DNAH1: variants seen among roughly 807,000 people sequenced by gnomAD.
The protein encoded by DNAH1 is dynein axonemal heavy chain 1.
In DNAH1, 327 loss-of-function variants were observed where a neutral mutation model predicts 484.3. The ratio of observed to expected loss-of-function variants is 0.68; its 90% CI spans 0.62 to 0.74. The LOEUF is 0.74. DNAH1 is among the 30% of genes least tolerant of loss of function. DNAH1 has a pLI of 0.00. For synonymous variants in DNAH1, 2,192 were observed against 2,191.9 expected, an observed-to-expected ratio of 1.00 and a Z score of 0.00; for missense variants, 5,052 against 5,546.8, an observed-to-expected ratio of 0.91 and a Z score of 2.83.
Position 52,373,796 on chromosome 3 carries a change from T to C in DNAH1, c.6985+743T>C, listed in dbSNP as rs899264610. ...CTGCTTTAAGTGAAATGGTAGAATATATCACCCATAATTGGAATGTGATCA... is the reference window on the plus strand; with the variant it reads ...CTGCTTTAAGTGAAATGGTAGAATACATCACCCATAATTGGAATGTGATCA... On this transcript the variant is annotated intron_variant, in intron 44 of 77. Transcript: ENST00000420323. 13 of 1,419,446 alleles carry C rather than the reference T, an allele frequency of 9.2e-6. No homozygotes were observed. The African/African-American group carries it at 1.5e-4, about 17-fold the overall frequency. The allele number at this position is 1,419,446 out of a possible 1,614,324, so 87.9% of individuals were successfully genotyped here.
intron 1 of DNAH1, among the ~76,000 whole-genome samples, chr3:52,317,346 A>T (rs954355468): frequency 3.3e-5 from 5 of 152,134 alleles, no homozygotes; most frequent in Non-Finnish European, 1.5e-5. Flanking sequence ...TGTCGGGCGC[A>T]TCCGCTGCCC....
intron 73 of DNAH1, among the ~76,000 whole-genome samples, chr3:52,397,319 A>G (rs1007708983): frequency 3.3e-5 from 5 of 152,216 alleles, no homozygotes; most frequent in African/African-American, 1.2e-4. Context: ...CAAGGCAGTA[A>G]CCAGGCCCAG....
At chr3:52,396,179 T>C (rs911077708) in intron 70 of DNAH1, among the ~76,000 whole-genome samples, 189 bp from the exon 71 acceptor site, 3 of 152,146 alleles carry the variant, frequency 2.0e-5, no homozygotes, top group Non-Finnish European at 4.4e-5. Flanking sequence ...GTGATTCGCC[T>C]GCCTTGGCCT....
rs767198288 is a variant in DNAH1, at chr3:52,326,819, C to T, written c.666C>T (p.His222=). The change falls in exon 5 of 78, where the codon CAC becomes CAT. Residue 222 remains histidine (H), a synonymous_variant. Coordinates refer to ENST00000420323, the MANE Select transcript of DNAH1 (RefSeq NM_015512.5). ...GIDSNKLMPR[H]LDHQHPQTIE... Reference sequence around the variant, plus strand: ...ACTCCAACAAGCTCATGCCCAGGCACCTGGACCACCAGCACCCCCAAACCA... The same window carrying T: ...ACTCCAACAAGCTCATGCCCAGGCATCTGGACCACCAGCACCCCCAAACCA... The T allele has an allele frequency of 1.9e-6, 3 of 1,613,718 alleles. No homozygotes were observed. In the South Asian group the frequency reaches 3.3e-5, roughly 18 times the overall value.
Position 52,393,414 on chromosome 3 carries a change from G to C in DNAH1, c.10555G>C (p.Glu3519Gln). Residue 3519 changes from glutamate (E) to glutamine (Q), a missense_variant, in exon 66 of 78, where the codon GAG (glutamate) becomes CAG (glutamine). Physicochemically the swap from Glu to Gln is conservative, Grantham distance 29. Around this residue, in one of 4 missense-constraint regions of DNAH1, gnomAD observed 2,929 missense variants for 3,409.4 expected, o/e 0.86. Coordinates refer to ENST00000420323, the MANE Select transcript of DNAH1 (RefSeq NM_015512.5). ...CAGCAACGTCTGCCGCAGCCTCTTT[G>C]AGAAGCACAAGCTGATGTTTGCCTT... ...LYSNVCRSLF[E>Q]KHKLMFAFLL... is the part of the protein sequence containing the mutation. 1.2e-6 allele frequency: 2 copies of C among 1,614,032 alleles called. No individual in the cohort carries two copies. Among genetic ancestry groups the C allele is most frequent in the Non-Finnish European group, 1.7e-6 (2 of 1,179,902 alleles).
chr3:52,398,841 G>A lies in DNAH1; in HGVS notation c.12090-9G>A, dbSNP rs770607307. 2.0e-6 allele frequency: 3 copies of A among 1,523,076 alleles called. No homozygotes were observed. The highest frequency in any genetic ancestry group is 1.8e-6 in the Non-Finnish European group (2 of 1,132,250). The allele number at this position is 1,523,076 out of a possible 1,614,324, so 94.3% of individuals were successfully genotyped here. A position where few individuals can be genotyped will look rare whatever the true frequency, so the allele number is the denominator to read the frequency against. On this transcript the variant is annotated splice_polypyrimidine_tract_variant and intron_variant, in intron 75 of 77. Coordinates refer to ENST00000420323, the MANE Select transcript of DNAH1 (RefSeq NM_015512.5). Reference sequence around the variant, plus strand: ...CCCACTACCTATTCTCTTGCCACTGGCCTCACAGGTACAATCGGCTGCTGC... The same window carrying A: ...CCCACTACCTATTCTCTTGCCACTGACCTCACAGGTACAATCGGCTGCTGC...
At chr3:52,329,402 G>A (rs1402273897) in intron 6 of DNAH1, among the ~76,000 whole-genome samples, 5 of 152,208 alleles carry the variant, frequency 3.3e-5, no homozygotes, top group African/African-American at 1.2e-4. Context: ...AAACAGAGAA[G>A]CAAAATAGGT....
In DNAH1 at chr3:52,326,870, C is replaced by T. The variant is rs1234765193; in HGVS notation, c.717C>T (p.Phe239=). Residue 239 remains phenylalanine, a synonymous_variant, in exon 5 of 78, where the codon TTC becomes TTT. Coordinates refer to ENST00000420323, the MANE Select transcript of DNAH1 (RefSeq NM_015512.5). ...QTIEQGHDPI[F]PIYLPLKVFD... The stretch of plus-strand genomic sequence containing the variant: ...TCGAACAGGGCCATGACCCAATCTT[C>T]CCCATCTACCTCCCACTGAAGGTGA... 6.2e-7 allele frequency: 1 copy of T among 1,613,034 alleles called. No homozygotes were observed. Among genetic ancestry groups the T allele is most frequent in the Non-Finnish European group, 8.5e-7 (1 of 1,179,470 alleles).
chr3:52,349,209 A>C lies in DNAH1; in HGVS notation c.2315A>C (p.Gln772Pro). ...IASFLKTYQT[Q>P]GLLAQEVREV... ...GCTGTCCTCAGAACCTACCAGACGC[A>C]GGGCCTGTTGGCCCAGGAGGTGCGG... is the stretch of plus-strand genomic sequence containing the variant. Residue 772 changes from glutamine (Q) to proline (P), a missense_variant, in exon 14 of 78, where the codon CAG (glutamine) becomes CCG (proline). Transcript: ENST00000420323. 6.2e-7 allele frequency: 1 copy of C among 1,613,594 alleles called. No individual in the cohort carries two copies. The highest frequency in any genetic ancestry group is 8.5e-7 in the Non-Finnish European group (1 of 1,179,696).
chr3:52,326,366 C>T (rs2153223030), intron 4 of DNAH1, 52 bp downstream of exon 4: 2 of 1,561,706 alleles, frequency 1.3e-6, no homozygotes, highest in Admixed American at 1.8e-5. Context: ...CATCCACCCG[C>T]CTCAGGGGAT....
chr3:52,320,204 A>C (rs1271283106), intron 1 of DNAH1, among the ~76,000 whole-genome samples: 2 of 152,222 alleles, frequency 1.3e-5, no homozygotes, highest in Non-Finnish European at 2.9e-5. Flanking sequence ...GGTTTGCAGC[A>C]TGATGAAGCT....
Position 52,369,812 on chromosome 3 carries a change from G to A in DNAH1, c.5944-13G>A, listed in dbSNP as rs372161744. On this transcript the variant is annotated splice_polypyrimidine_tract_variant and intron_variant, in intron 37 of 77. Coordinates refer to ENST00000420323, the MANE Select transcript of DNAH1 (RefSeq NM_015512.5). ...GGCAGCCAGCCCACTCATTTGGTTC[G>A]TCTTGGCACCAGGCAATGACCATGA... The A allele has an allele frequency of 7.0e-5, 111 of 1,596,642 alleles. No homozygotes were observed. In the Middle Eastern group the frequency reaches 1.2e-3, roughly 17 times the overall value.
At position 52,322,662 on chromosome 3, in the gene DNAH1, T is replaced by C. The variant is rs1466382392; in HGVS notation, c.220T>C (p.Leu74=). The C allele has an allele frequency of 6.2e-7, 1 of 1,613,872 alleles. No homozygotes were observed. Residue 74 remains leucine, a synonymous_variant, in exon 2 of 78, where the codon TTG becomes CTG. Transcript: ENST00000420323. ...LPPAPPTLSD[L]GQPRKSPLTG... ...CCCGGCCCCACCCACACTCTCAGAC[T>C]TGGGGCAGCCACGGAAGTCACCCCT... is the stretch of plus-strand genomic sequence containing the variant.
At chr3:52,371,760 C>T (rs1298120431) in intron 41 of DNAH1, among the ~76,000 whole-genome samples, 186 bp from the exon 42 acceptor site, 1 of 152,228 alleles carries the variant, frequency 6.6e-6, no homozygotes, top group Admixed American at 6.5e-5. Context: ...CTGGGAGTCC[C>T]CCTCCCCATG....
intron 6 of DNAH1, among the ~76,000 whole-genome samples, chr3:52,329,467 G>A (rs1238713309): frequency 6.6e-6 from 1 of 152,138 alleles, no homozygotes; most frequent in Non-Finnish European, 1.5e-5. Context: ...TCAACAGGTG[G>A]GGAGCATTTC....
In DNAH1 at chr3:52,358,848, T is replaced by TGG; in HGVS notation, c.4266+115_4266+116dup. The TGG allele has an allele frequency of 7.6e-7, 1 of 1,312,062 alleles. No individual in the cohort carries two copies. The highest frequency in any genetic ancestry group is 1.1e-6 in the Non-Finnish European group (1 of 949,130). The allele number at this position is 1,312,062 out of a possible 1,614,324, so 81.3% of individuals were successfully genotyped here. On this transcript the variant is annotated intron_variant, in intron 25 of 77. Coordinates refer to ENST00000420323, the MANE Select transcript of DNAH1 (RefSeq NM_015512.5). The surrounding 1 kb of genome is among the most constrained non-coding windows in gnomAD (Gnocchi z 4.2). The stretch of plus-strand genomic sequence containing the variant: ...CCTCAGGCTGCAGCCCTGAGGTCCC[T>TGG]GGGGGCTCAGGCGGGATTCTGGAGT...
intron 8 of DNAH1, among the ~76,000 whole-genome samples, chr3:52,344,286 G>A (rs1661436665): frequency 6.6e-6 from 1 of 152,178 alleles, no homozygotes; most frequent in Non-Finnish European, 1.5e-5. Context: ...ATGGGGGACA[G>A]AAAATGGGGA....
rs139934976 is a variant in DNAH1, at chr3:52,331,538, G to A, written c.1033+229G>A. Among the ~76,000 whole-genome samples the A allele has an allele frequency of 0.02, 3,004 of 152,170 alleles. 50 individuals carry two copies. Among genetic ancestry groups the A allele is most frequent in the Non-Finnish European group, 0.029 (1,976 of 67,998 alleles). On this transcript the variant is annotated intron_variant, in intron 7 of 77. Coordinates refer to ENST00000420323, the MANE Select transcript of DNAH1 (RefSeq NM_015512.5). ...CTCTGAGCCCAAGTCCCATCAATAAGCGATGCCTGCCCTGGGTGTGGGATC... is the reference window on the plus strand; with the variant it reads ...CTCTGAGCCCAAGTCCCATCAATAAACGATGCCTGCCCTGGGTGTGGGATC...
At chr3:52,326,568 C>A (rs1346004970) in intron 4 of DNAH1, among the ~76,000 whole-genome samples, 167 bp from the exon 5 acceptor site, 1 of 152,124 alleles carries the variant, frequency 6.6e-6, no homozygotes, top group Non-Finnish European at 1.5e-5. Context: ...GGACACCAGC[C>A]CCAGCCACCA....
Sources: allele counts gnomAD v4.1 joint callset (sites outside exome capture counted in the v4.1 genomes callset), GRCh38; gene constraint gnomAD v4.1.1; regional missense constraint gnomAD v4.1.1; non-coding constraint Gnocchi (gnomAD v3.1); transcripts MANE v1.5; gene names NCBI Gene and HGNC (gene_info 2026-07-23, HGNC 2026-07-21).